Variants in ZFAND6 observed in about 807,000 individuals in gnomAD.
ZFAND6 encodes zinc finger AN1-type containing 6, also known as AN1-type zinc finger protein 6.
In ZFAND6, 12 loss-of-function variants were observed where a neutral mutation model predicts 24.5. The ratio of observed to expected loss-of-function variants is 0.49; its 90% confidence interval spans 0.31 to 0.79. The LOEUF (loss-of-function observed/expected upper bound fraction) is 0.79, where lower values mean the gene tolerates loss of function less well. Among genes scored for constraint, ZFAND6 ranks in the 30% least tolerant of loss-of-function variants. The pLI is 0.04. For missense variants in ZFAND6, 207 were observed against 245.9 expected (o/e 0.84, Z 1.06); for synonymous variants, 92 against 81.5 (o/e 1.13, Z -0.69).
chr15:80,074,506 A>G (rs2037154403), intron 1 of ZFAND6, among the ~76,000 whole-genome samples: 2 of 151,810 alleles, frequency 1.3e-5, no homozygotes, highest in Non-Finnish European at 3.0e-5. Context: ...AGTTAACTTT[A>G]CCTGTCTCAA....
At chr15:80,094,500 A>C (rs1472411139) in intron 1 of ZFAND6, among the ~76,000 whole-genome samples, 2 of 151,852 alleles carry the variant, frequency 1.3e-5, no homozygotes, top group Admixed American at 6.6e-5. Flanking sequence ...ACACACGGAA[A>C]ATTTGTCTTC....
intron 1 of ZFAND6, among the ~76,000 whole-genome samples, chr15:80,082,352 T>G (rs1369376715): frequency 1.3e-5 from 2 of 152,220 alleles, no homozygotes; most frequent in African/African-American, 4.8e-5. Context: ...ATGCTAAGTT[T>G]ATAGAGAGAT....
At chr15:80,131,740 A>G (rs1227226065) in intron 6 of ZFAND6, among the ~76,000 whole-genome samples, 1 of 152,250 alleles carries the variant, frequency 6.6e-6, no homozygotes, top group African/African-American at 2.4e-5. Context: ...TATGTTGGCT[A>G]CTGTAACATA....
At chr15:80,118,665 G>T (rs755102742) in intron 2 of ZFAND6, among the ~76,000 whole-genome samples, 2 of 152,092 alleles carry the variant, frequency 1.3e-5, no homozygotes, top group Admixed American at 1.3e-4. Flanking sequence ...GTGGGATTCT[G>T]AAATGACTTG....
intron 1 of ZFAND6, among the ~76,000 whole-genome samples, chr15:80,077,074 G>A (rs2037328208): frequency 6.6e-6 from 1 of 152,150 alleles, no homozygotes; most frequent in Non-Finnish European, 1.5e-5. Context: ...AATTCCTCAC[G>A]TTTAATAAAA....
Position 80,124,955 on chromosome 15 carries a change from A to T in ZFAND6, c.364+2155A>T, listed in dbSNP as rs377253226. Reference sequence around the variant, plus strand: ...TTTATTATAAACATACACAAATATAAACATGTATGTTTGTATATATGTACG... The same window carrying T: ...TTTATTATAAACATACACAAATATATACATGTATGTTTGTATATATGTACG... On this transcript the variant is annotated intron_variant, in intron 5 of 6. Coordinates refer to ENST00000261749, the MANE Select transcript of ZFAND6 (RefSeq NM_019006.4). Among the ~76,000 whole-genome samples, 319 of 152,336 alleles carry T rather than the reference A, an allele frequency of 2.1e-3. 1 individual carries two copies. The highest frequency in any genetic ancestry group is 6.9e-3 in the African/African-American group (288 of 41,586).
At chr15:80,066,730 C>T (rs2036663504) in intron 1 of ZFAND6, among the ~76,000 whole-genome samples, 1 of 151,876 alleles carries the variant, frequency 6.6e-6, no homozygotes, top group South Asian at 2.1e-4. Context: ...AACCTCATCT[C>T]TGTTGAAAAT....
intron 4 of ZFAND6, 93 bp downstream of exon 4, chr15:80,121,913 A>G: frequency 1.9e-6 from 2 of 1,072,182 alleles, no homozygotes; most frequent in Non-Finnish European, 2.6e-6. Flanking sequence ...ACGTAAAGCT[A>G]CTTTTAGATT....
chr15:80,088,270 A>G (rs2038124965), intron 1 of ZFAND6, among the ~76,000 whole-genome samples: 1 of 151,974 alleles, frequency 6.6e-6, no homozygotes, highest in Non-Finnish European at 1.5e-5. Flanking sequence ...AACCTTCTCT[A>G]TTCTTTAAGA....
intron 1 of ZFAND6, among the ~76,000 whole-genome samples, chr15:80,061,833 A>G (rs565144483): frequency 7.6e-4 from 116 of 152,314 alleles, no homozygotes; most frequent in South Asian, 3.1e-3. Flanking sequence ...ATTAGACGGT[A>G]TTAGGTAATC....
intron 1 of ZFAND6, among the ~76,000 whole-genome samples, chr15:80,076,359 T>A (rs919753888): frequency 6.6e-6 from 1 of 151,892 alleles, no homozygotes; most frequent in African/African-American, 2.4e-5. Flanking sequence ...AAATTTTAAA[T>A]TCAGTGTCTC....
chr15:80,124,998 C>G (rs1010219693), intron 5 of ZFAND6, among the ~76,000 whole-genome samples: 7 of 152,104 alleles, frequency 4.6e-5, no homozygotes, highest in Non-Finnish European at 8.8e-5. Context: ...TCTGTATGTG[C>G]ACACACTCAT....
At chr15:80,130,241 G>A (rs568198099) in intron 5 of ZFAND6, 7 of 152,174 alleles carry the variant, frequency 4.6e-5, no homozygotes, top group African/African-American at 1.4e-4. Context: ...GACAAGGAAA[G>A]GGTATTTGAC....
chr15:80,122,866 C>A, intron 5 of ZFAND6, 66 bp downstream of exon 5: 2 of 1,279,364 alleles, frequency 1.6e-6, no homozygotes, highest in Non-Finnish European at 2.2e-6. Flanking sequence ...ATCCTAGGTG[C>A]ATGTATAAAA....
chr15:80,133,225 C>G (rs577523531), intron 6 of ZFAND6, among the ~76,000 whole-genome samples: 1 of 143,252 alleles, frequency 7.0e-6, no homozygotes, highest in East Asian at 2.0e-4. Flanking sequence ...TGGAGTCTTG[C>G]TCTGTCATCC....
At chr15:80,112,429 G>A (rs942569938) in intron 2 of ZFAND6, among the ~76,000 whole-genome samples, 4 of 151,960 alleles carry the variant, frequency 2.6e-5, no homozygotes, top group African/African-American at 9.7e-5. Context: ...ACAGAGTCTT[G>A]CTCTGTTGCC....
At chr15:80,117,848 C>T (rs201112766) in intron 2 of ZFAND6, among the ~76,000 whole-genome samples, 16 of 145,272 alleles carry the variant, frequency 1.1e-4, no homozygotes, top group African/African-American at 3.6e-4. Flanking sequence ...CTATTTTTTT[C>T]CCCCACAATT....
chr15:80,133,287 G>A (rs1297666038), intron 6 of ZFAND6, among the ~76,000 whole-genome samples: 2 of 151,520 alleles, frequency 1.3e-5, no homozygotes, highest in African/African-American at 4.9e-5. Context: ...CCGCCTCCTG[G>A]GTTCAAGCAA....
In ZFAND6 at chr15:80,087,073, A is replaced by G. The variant is rs540026836; in HGVS notation, c.-180-11343A>G. Among the ~76,000 whole-genome samples, 6 of 152,338 alleles carry G rather than the reference A, an allele frequency of 3.9e-5. No individual in the cohort carries two copies. In the East Asian group the frequency reaches 1.2e-3, roughly 29 times the overall value. The stretch of plus-strand genomic sequence containing the variant: ...TTTATCCATTCATCCATGTATGGAC[A>G]CTTGGCTGCTTTTATGCTTTGTCTG... On this transcript the variant is annotated intron_variant, in intron 1 of 6. Transcript: ENST00000261749.
Sources: allele counts gnomAD v4.1 joint callset (sites outside exome capture counted in the v4.1 genomes callset), GRCh38; gene constraint gnomAD v4.1.1; transcripts MANE v1.5; gene names NCBI Gene and HGNC (gene_info 2026-07-23, HGNC 2026-07-21).